The following LPIN1 variants were observed in gnomAD, a reference collection of about 807,000 sequenced individuals.
LPIN1 encodes phosphatidate phosphatase LPIN1.
A neutral mutation model predicts 107.5 loss-of-function variants in LPIN1; 71 were observed. That is an observed-to-expected ratio of 0.66 (90% confidence interval 0.55 to 0.80). The LOEUF is 0.80. Among genes scored for constraint, LPIN1 ranks in the 30% least tolerant of loss-of-function variants. The pLI is 0.00. For synonymous variants in LPIN1, 445 were observed against 452.6 expected (o/e 0.98, Z 0.21); for missense variants, 1,043 against 1,160.6 (o/e 0.90, Z 1.47).
chr2:11,769,384 T>C (rs1671494933), intron 3 of LPIN1, among the ~76,000 whole-genome samples: 1 of 152,156 alleles, frequency 6.6e-6, no homozygotes, highest in Non-Finnish European at 1.5e-5. Flanking sequence ...TCTATTCAGA[T>C]CCTTTGCTAG....
chr2:11,706,872 T>G (rs536285828), intron 1 of LPIN1, among the ~76,000 whole-genome samples: 3 of 152,314 alleles, frequency 2.0e-5, no homozygotes, highest in African/African-American at 7.2e-5. Flanking sequence ...CCTAAAATGA[T>G]GTGCAGGTTT....
chr2:11,818,447 A>G (rs1265030504), intron 18 of LPIN1: 1 of 151,442 alleles, frequency 6.6e-6, no homozygotes, highest in African/African-American at 2.4e-5. Flanking sequence ...TTAAAATACC[A>G]TTTACACAAT....
chr2:11,820,170 G>A (rs1034499158), intron 19 of LPIN1, among the ~76,000 whole-genome samples: 1 of 152,180 alleles, frequency 6.6e-6, no homozygotes, highest in African/African-American at 2.4e-5. Flanking sequence ...TTAGAATTGC[G>A]GGGACGTGGT....
intron 1 of LPIN1, among the ~76,000 whole-genome samples, chr2:11,702,007 G>A (rs914134860): frequency 1.3e-5 from 2 of 152,152 alleles, no homozygotes; most frequent in Non-Finnish European, 2.9e-5. Flanking sequence ...TGTGGCTGTC[G>A]GATGCCAAGT....
intron 2 of LPIN1, among the ~76,000 whole-genome samples, chr2:11,718,875 C>A (rs765424080): frequency 1.3e-5 from 2 of 152,048 alleles, no homozygotes; most frequent in South Asian, 2.1e-4. Context: ...TGAGATATTC[C>A]GAGAGATGAA....
At chr2:11,715,985 G>A (rs748318704) in intron 2 of LPIN1, among the ~76,000 whole-genome samples, 1 of 152,114 alleles carries the variant, frequency 6.6e-6, no homozygotes, top group Non-Finnish European at 1.5e-5. Flanking sequence ...TATAGGGGTG[G>A]ACCTGGAGGC....
intron 1 of LPIN1, among the ~76,000 whole-genome samples, chr2:11,732,252 T>C (rs576312106): frequency 1.6e-4 from 25 of 152,354 alleles, no homozygotes; most frequent in African/African-American, 5.3e-4. Context: ...TTAATACTAT[T>C]GCCATTTGTT....
At position 11,802,943 on chromosome 2, in the gene LPIN1, C is replaced by T. The variant is rs142023699; in HGVS notation, c.1923C>T (p.Arg641=). 104 of 1,613,348 alleles carry T rather than the reference C, an allele frequency of 6.4e-5. No individual in the cohort carries two copies. Among genetic ancestry groups the T allele is most frequent in the African/African-American group, 2.5e-4 (19 of 74,910 alleles). The change falls in exon 15 of 21, where the codon CGC becomes CGT. Residue 641 remains arginine (R), a synonymous_variant. Transcript: ENST00000674199. ...KHESSSSDEE[R]AAAKPSNAGH... is the part of the protein sequence containing the mutation. Reference sequence around the variant, plus strand: ...AATCATCCTCCAGTGATGAGGAGCGCGCAGCTGCCAAGCCATCAAACGCAG... The same window carrying T: ...AATCATCCTCCAGTGATGAGGAGCGTGCAGCTGCCAAGCCATCAAACGCAG...
intron 1 of LPIN1, among the ~76,000 whole-genome samples, chr2:11,746,872 G>A (rs1278875159): frequency 2.6e-5 from 4 of 152,148 alleles, no homozygotes; most frequent in African/African-American, 9.6e-5. Flanking sequence ...GGGGAAACAG[G>A]CCCCGGAGGC....
rs558244532 is a variant in LPIN1, at chr2:11,823,624, A to G, written c.2622-1008A>G. Among the ~76,000 whole-genome samples, 17 of 152,316 alleles carry G rather than the reference A, an allele frequency of 1.1e-4. No homozygotes were observed. In the South Asian group the frequency reaches 3.1e-3, roughly 28 times the overall value. ...TAGGTTCTTAGCAATTTGGAACTAG[A>G]CAGTGATCAGTGACTGTCAAGGAGG... On this transcript the variant is annotated intron_variant, in intron 20 of 20. Transcript: ENST00000674199.
intron 4 of LPIN1, 29 bp from the exon 5 acceptor site, chr2:11,773,591 T>C: frequency 6.3e-7 from 1 of 1,596,122 alleles, no homozygotes; most frequent in Non-Finnish European, 8.6e-7. Flanking sequence ...AAGAATTCTT[T>C]GACTTTAATC....
intron 14 of LPIN1, among the ~76,000 whole-genome samples, chr2:11,802,521 G>GT (rs1677932683): frequency 1.3e-5 from 2 of 152,204 alleles, no homozygotes; most frequent in African/African-American, 4.8e-5. Context: ...GTGTGGACTT[G>GT]TAGAAACTTG....
intron 3 of LPIN1, among the ~76,000 whole-genome samples, 183 bp downstream of exon 3, chr2:11,768,041 A>G (rs1489510297): frequency 6.6e-6 from 1 of 152,104 alleles, no homozygotes; most frequent in Non-Finnish European, 1.5e-5. Context: ...GGGTGTGCTG[A>G]GTCCACACAG....
At chr2:11,775,126 A>G (rs2148641946) in intron 5 of LPIN1, among the ~76,000 whole-genome samples, 2 of 152,292 alleles carry the variant, frequency 1.3e-5, no homozygotes, top group Admixed American at 1.3e-4. Flanking sequence ...TCCATTATGT[A>G]TTTCACATGC....
At chr2:11,758,028 CT>C (rs1558816579) in intron 1 of LPIN1, among the ~76,000 whole-genome samples, 1 of 152,146 alleles carries the variant, frequency 6.6e-6, no homozygotes, top group Admixed American at 6.5e-5. Flanking sequence ...AGCATTTGTC[CT>C]TTTGTGACTG....
chr2:11,765,355 A>G lies in LPIN1; in HGVS notation c.-9-178A>G, dbSNP rs1438569542. Among the ~76,000 whole-genome samples, 1 of 152,218 alleles carries G rather than the reference A, an allele frequency of 6.6e-6. No homozygotes were observed. The highest frequency in any genetic ancestry group is 2.4e-5 in the African/African-American group (1 of 41,462). On this transcript the variant is annotated intron_variant, in intron 1 of 20. Coordinates refer to ENST00000674199, the MANE Select transcript of LPIN1 (RefSeq NM_001349206.2). The surrounding 1 kb of genome is among the most constrained non-coding windows in gnomAD (Gnocchi z 4.4). ...CACTGATGGGCCGTGATGGGCCCTGATGGGCCCTGATGGACCCTGATGGGC... is the reference window on the plus strand; with the variant it reads ...CACTGATGGGCCGTGATGGGCCCTGGTGGGCCCTGATGGACCCTGATGGGC...
In LPIN1 at chr2:11,707,755, C is replaced by T. The variant is rs1423402814; in HGVS notation, c.82-6001C>T. Among the ~76,000 whole-genome samples the T allele has an allele frequency of 6.6e-6, 1 of 152,142 alleles. No individual in the cohort carries two copies. The highest frequency in any genetic ancestry group is 2.4e-5 in the African/African-American group (1 of 41,442). On this transcript the variant is annotated intron_variant, in intron 1 of 21. Coordinates refer to the LPIN1 transcript ENST00000449576. This position sits in a 1 kb window ranked among gnomAD's most constrained non-coding sequence, Gnocchi z 4.2. ...AGGGAGTGGCTGGGGCCTGTCCCAACCAAGCGCTGCTGCTTCTGTGAGCAC... is the reference window on the plus strand; with the variant it reads ...AGGGAGTGGCTGGGGCCTGTCCCAATCAAGCGCTGCTGCTTCTGTGAGCAC...
chr2:11,771,540 A>C lies in LPIN1; in HGVS notation c.457A>C (p.Lys153Gln). 1 of 1,614,122 alleles carries C rather than the reference A, an allele frequency of 6.2e-7. No homozygotes were observed. The highest frequency in any genetic ancestry group is 2.2e-5 in the East Asian group (1 of 44,866). Residue 153 changes from lysine (K) to glutamine (Q), a missense_variant, in exon 4 of 21, where the codon AAG (lysine) becomes CAG (glutamine). By Grantham distance (53) the Lys-to-Gln change is moderately conservative (BLOSUM62 1). Transcript: ENST00000674199. This position sits in a 1 kb window ranked among gnomAD's most constrained non-coding sequence, Gnocchi z 4.8. The part of the protein sequence containing the change: ...SETPSSSSVV[K>Q]KRRKRRRKSQ... ...GACGCCGTCAAGCAGCTCTGTAGTAAAGAAGAGAAGAAAAAGGAGGAGAAA... is the reference window on the plus strand; with the variant it reads ...GACGCCGTCAAGCAGCTCTGTAGTACAGAAGAGAAGAAAAAGGAGGAGAAA...
At chr2:11,719,787 GCTT>G (rs1248333228), upstream of LPIN1, among the ~76,000 whole-genome samples, 8 of 100,068 alleles carry the variant, frequency 8.0e-5, no homozygotes, top group African/African-American at 2.1e-4. Context: ...ATAACCAATT[GCTT>G]CTTTTTTTTT....
Sources: gnomAD v4.1 joint callset for allele counts (sites outside exome capture counted in the v4.1 genomes callset) on GRCh38, gnomAD v4.1.1 for gene constraint, Gnocchi (gnomAD v3.1) non-coding constraint, MANE v1.5 for transcripts, NCBI Gene and HGNC (gene_info 2026-07-23, HGNC 2026-07-21) for gene names.